Variants in ZSWIM5 observed in about 807,000 individuals in gnomAD.
The protein encoded by ZSWIM5 is zinc finger SWIM-type containing 5.
A neutral mutation model predicts 119.6 loss-of-function variants in ZSWIM5; 55 were observed. The ratio of observed to expected loss-of-function variants is 0.46; its 90% CI spans 0.37 to 0.58. ZSWIM5 has a LOEUF of 0.58. Ranked by LOEUF, ZSWIM5 falls within the 20% of genes least tolerant of loss-of-function variation. ZSWIM5 has a pLI of 0.00. For synonymous variants in ZSWIM5, 537 were observed against 606.9 expected, an observed-to-expected ratio of 0.88 and a Z score of 1.69; for missense variants, 1,193 against 1,512.8, an observed-to-expected ratio of 0.79 and a Z score of 3.51.
At chr1:45,203,662 CTAGAT>C (rs1646170904) in intron 1 of ZSWIM5, among the ~76,000 whole-genome samples, 1 of 152,036 alleles carries the variant, frequency 6.6e-6, no homozygotes, top group Admixed American at 6.5e-5. Flanking sequence ...AGCCTACTCT[CTAGAT>C]TAAGTCATTT....
At chr1:45,020,413 G>A (rs1644880983) in intron 12 of ZSWIM5, among the ~76,000 whole-genome samples, 1 of 152,172 alleles carries the variant, frequency 6.6e-6, no homozygotes, top group African/African-American at 2.4e-5. Context: ...GGGACCCCAG[G>A]GAGCCTAAAG....
chr1:45,018,097 G>A lies in ZSWIM5; in HGVS notation c.*357C>T, dbSNP rs747581084. Reference sequence around the variant, plus strand: ...ATAGTATTTACAGTCCCACAAATGTGTCTGTTTCTCTGGTTAAGCAATCCC... The same window carrying A: ...ATAGTATTTACAGTCCCACAAATGTATCTGTTTCTCTGGTTAAGCAATCCC... On this transcript the variant is annotated 3_prime_UTR_variant, in exon 14 of 14. Coordinates refer to ENST00000359600, the MANE Select transcript of ZSWIM5 (RefSeq NM_020883.2). The surrounding 1 kb of genome is among the most constrained non-coding windows in gnomAD (Gnocchi z 6.7). 2 of 287,890 alleles carry A rather than the reference G, an allele frequency of 6.9e-6. No homozygotes were observed. The highest frequency in any genetic ancestry group is 1.3e-5 in the Non-Finnish European group (2 of 152,922). 17.8% of individuals were successfully genotyped at this position (287,890 alleles called of 1,614,324 possible).
intron 1 of ZSWIM5, among the ~76,000 whole-genome samples, chr1:45,137,283 A>G (rs1645695529): frequency 6.6e-6 from 1 of 152,274 alleles, no homozygotes; most frequent in Middle Eastern, 3.4e-3. Context: ...TCCTGGCTTC[A>G]AGTGATCCTC....
In ZSWIM5 at chr1:45,166,778, C is replaced by T. The variant is rs529784299; in HGVS notation, c.595+38978G>A. Among the ~76,000 whole-genome samples, 16 of 152,080 alleles carry T rather than the reference C, an allele frequency of 1.1e-4. No individual in the cohort carries two copies. The East Asian group carries it at 2.5e-3, about 24-fold the overall frequency. ...CCAACTTACAAGGGATGTGAAGGACCTCTTCAAGGAGAACTACAAACCACT... is the reference window on the plus strand; with the variant it reads ...CCAACTTACAAGGGATGTGAAGGACTTCTTCAAGGAGAACTACAAACCACT... On this transcript the variant is annotated intron_variant, in intron 1 of 13. Coordinates refer to ENST00000359600, the MANE Select transcript of ZSWIM5 (RefSeq NM_020883.2).
chr1:45,104,461 G>C (rs1322484456), intron 1 of ZSWIM5, among the ~76,000 whole-genome samples: 1 of 152,134 alleles, frequency 6.6e-6, no homozygotes, highest in Non-Finnish European at 1.5e-5. Flanking sequence ...CTGCCTATCA[G>C]ACTCATGTGA....
intron 9 of ZSWIM5, 58 bp downstream of exon 9, chr1:45,035,981 A>G: frequency 6.3e-7 from 1 of 1,584,724 alleles, no homozygotes; most frequent in Non-Finnish European, 8.6e-7. Flanking sequence ...TCTATTGGAG[A>G]GGGGAGCTCA....
rs756684057 is a variant in ZSWIM5 at position 45,205,815 on chromosome 1, G to C, written c.536C>G (p.Pro179Arg). ...GAAGCGGEGL[P>R]FRRGIRLLDS... ...CAGCAGACGGATGCCCCGGCGGAAC[G>C]GGAGCCCCTCGCCACCGCAGCCGGC... The change falls in exon 1 of 14, where the codon CCG (proline) becomes CGG (arginine). Residue 179 changes from proline (P) to arginine (R), a missense_variant. Pro to Arg is a moderately radical substitution (Grantham distance 103). Around this residue, in one of 2 missense-constraint regions of ZSWIM5, gnomAD observed 961 missense variants for 1,290.0 expected, o/e 0.74. Coordinates refer to ENST00000359600, the MANE Select transcript of ZSWIM5 (RefSeq NM_020883.2). 11 of 1,536,032 alleles carry C rather than the reference G, an allele frequency of 7.2e-6. No homozygotes were observed. Among genetic ancestry groups the C allele is most frequent in the African/African-American group, 1.4e-5 (1 of 70,900 alleles).
At chr1:45,086,568 G>A (rs1160143379) in intron 2 of ZSWIM5, among the ~76,000 whole-genome samples, 2 of 152,060 alleles carry the variant, frequency 1.3e-5, no homozygotes, top group Admixed American at 6.6e-5. Flanking sequence ...TCACTCATAG[G>A]TGGGAATTGA....
intron 1 of ZSWIM5, among the ~76,000 whole-genome samples, chr1:45,172,378 A>G (rs1645950779): frequency 6.6e-6 from 1 of 152,156 alleles, no homozygotes; most frequent in Non-Finnish European, 1.5e-5. Flanking sequence ...TAATAACTGA[A>G]GAACGCAGAA....
At chr1:45,179,188 T>C (rs1645999689) in intron 1 of ZSWIM5, among the ~76,000 whole-genome samples, 1 of 151,960 alleles carries the variant, frequency 6.6e-6, no homozygotes, top group South Asian at 2.1e-4. Context: ...AGCAAAAACA[T>C]AGAATCAGCT....
At chr1:45,024,051 T>G (rs1644905326) in intron 11 of ZSWIM5, among the ~76,000 whole-genome samples, 1 of 152,176 alleles carries the variant, frequency 6.6e-6, no homozygotes, top group Non-Finnish European at 1.5e-5. Flanking sequence ...ATTTTAAAAT[T>G]GGGTTGTTTT....
chr1:45,182,967 A>G (rs1240615680), intron 1 of ZSWIM5, among the ~76,000 whole-genome samples: 1 of 149,268 alleles, frequency 6.7e-6, no homozygotes, highest in African/African-American at 2.4e-5. Context: ...ACCACACCAC[A>G]CCTATTCCAA....
intron 1 of ZSWIM5, among the ~76,000 whole-genome samples, chr1:45,093,879 C>T (rs1453339206): frequency 4.7e-5 from 7 of 148,976 alleles, no homozygotes; most frequent in African/African-American, 9.9e-5. Flanking sequence ...GGTCTTGCTC[C>T]GTTACCCAGG....
intron 5 of ZSWIM5, among the ~76,000 whole-genome samples, chr1:45,048,065 C>CT (rs1350288575): frequency 0.018 from 71 of 3,884 alleles, 23 homozygotes; most frequent in African/African-American, 0.027. Context: ...TTCTTTCTTT[C>CT]TTTCCTTTTC....
At chr1:45,048,085 T>TTTCTTC in intron 5 of ZSWIM5, among the ~76,000 whole-genome samples, 1 of 141,424 alleles carries the variant, frequency 7.1e-6, no homozygotes, top group African/African-American at 2.6e-5. Context: ...CTTTTCTCTT[T>TTTCTTC]TTTTTTTTTT....
intron 1 of ZSWIM5, among the ~76,000 whole-genome samples, chr1:45,135,254 G>T (rs1399674786): frequency 1.3e-5 from 2 of 152,078 alleles, no homozygotes; most frequent in African/African-American, 4.8e-5. Context: ...CAGAAAAGGG[G>T]TTGCTAAGGG....
At position 45,020,110 on chromosome 1, in the gene ZSWIM5, C is replaced by A. The variant is rs768308725; in HGVS notation, c.2651G>T (p.Arg884Leu). 1.2e-6 allele frequency: 2 copies of A among 1,614,128 alleles called. No homozygotes were observed. Among genetic ancestry groups the A allele is most frequent in the South Asian group, 1.1e-5 (1 of 91,086 alleles). ...RMTLSTLNWR[R>L]REMVRWLVTC... Reference sequence around the variant, plus strand: ...CACCAACCATCGTACCATCTCCCTGCGTCTCCAGTTAAGGGTTGATAAGGT... The same window carrying A: ...CACCAACCATCGTACCATCTCCCTGAGTCTCCAGTTAAGGGTTGATAAGGT... Residue 884 changes from arginine (R) to leucine (L), a missense_variant, in exon 13 of 14, where the codon CGC becomes CTC. Coordinates refer to ENST00000359600, the MANE Select transcript of ZSWIM5 (RefSeq NM_020883.2).
At position 45,035,816 on chromosome 1, in the gene ZSWIM5, A is replaced by G. The variant is rs1398655153; in HGVS notation, c.2163T>C (p.Pro721=). ...GGATGACTTCTCCCAGACCGCTGAA[A>G]GGACCTCCTGGAGGAAGATAAGCCA... is the stretch of plus-strand genomic sequence containing the variant. ...KQCILLLEGG[P]FSGLGEVIHR... Residue 721 remains proline (P), a synonymous_variant, in exon 10 of 14, where the codon CCT becomes CCC. Coordinates refer to ENST00000359600, the MANE Select transcript of ZSWIM5 (RefSeq NM_020883.2). The G allele has an allele frequency of 1.2e-6, 2 of 1,613,192 alleles. No homozygotes were observed.
At position 45,051,258 on chromosome 1, in the gene ZSWIM5, A is replaced by G; in HGVS notation, c.1253-5T>C. On this transcript the variant is annotated splice_polypyrimidine_tract_variant and splice_region_variant and intron_variant, in intron 4 of 13. Transcript: ENST00000359600. ...TTATGCACACCCATAAAGCCCCTGG[A>G]AAATAAAGCAACCCATATTCTTAAC... 1 of 1,611,926 alleles carries G rather than the reference A, an allele frequency of 6.2e-7. No homozygotes were observed. The highest frequency in any genetic ancestry group is 8.5e-7 in the Non-Finnish European group (1 of 1,179,200).
Sources: allele counts gnomAD v4.1 joint callset (sites outside exome capture counted in the v4.1 genomes callset), GRCh38; gene constraint gnomAD v4.1.1; regional missense constraint gnomAD v4.1.1; non-coding constraint Gnocchi (gnomAD v3.1); transcripts MANE v1.5; gene names NCBI Gene and HGNC (gene_info 2026-07-23, HGNC 2026-07-21).